NPHP4: variants seen among roughly 807,000 people sequenced by gnomAD.
The protein encoded by NPHP4 is nephrocystin-4.
NPHP4 carries 151 observed loss-of-function variants against 155.8 expected under a neutral mutation model. The observed-to-expected ratio is 0.97, with a 90% CI of 0.85 to 1.11. The LOEUF (loss-of-function observed/expected upper bound fraction) is 1.11. Among genes scored for constraint, NPHP4 ranks in the 50% least tolerant of loss-of-function variants. NPHP4 has a pLI of 0.00. For synonymous variants in NPHP4, 845 were observed against 816.8 expected (o/e 1.03, Z -0.59); for missense variants, 1,956 against 1,925.7 (o/e 1.02, Z -0.29).
intron 11 of NPHP4, among the ~76,000 whole-genome samples, chr1:5,923,676 C>T (rs1258733945): frequency 6.6e-6 from 1 of 152,232 alleles, no homozygotes; most frequent in African/African-American, 2.4e-5. Context: ...GGGCACCTGT[C>T]ATCTCAGTGA....
At chr1:5,873,433 C>G in intron 22 of NPHP4, 98 bp from the exon 23 acceptor site, 3 of 909,202 alleles carry the variant, frequency 3.3e-6, no homozygotes, top group Non-Finnish European at 5.4e-6. Flanking sequence ...CTGGGAGCCA[C>G]CAGCCTCCTC....
intron 6 of NPHP4, among the ~76,000 whole-genome samples, chr1:5,953,836 G>A (rs1366176407): frequency 6.6e-6 from 1 of 152,208 alleles, no homozygotes; most frequent in Admixed American, 6.5e-5. Flanking sequence ...ACACACACCT[G>A]TGGACTCTGC....
Position 5,892,316 on chromosome 1 carries a change from G to A in NPHP4, c.2144-1288C>T, listed in dbSNP as rs1226973937. Among the ~76,000 whole-genome samples, 4 of 152,142 alleles carry A rather than the reference G, an allele frequency of 2.6e-5. No individual in the cohort carries two copies. The highest frequency in any genetic ancestry group is 5.9e-5 in the Non-Finnish European group (4 of 68,002). On this transcript the variant is annotated intron_variant, in intron 16 of 29. Coordinates refer to ENST00000378156, the MANE Select transcript of NPHP4 (RefSeq NM_015102.5). The surrounding 1 kb of genome is among the most constrained non-coding windows in gnomAD (Gnocchi z 4.5). ...GAGAGTTGGGAGGCTGGTCAGAGGA[G>A]CCTAGACCAGGATGGCCCCGTGCCT...
intron 12 of NPHP4, among the ~76,000 whole-genome samples, chr1:5,908,107 G>A (rs1391953530): frequency 6.6e-6 from 1 of 152,224 alleles, no homozygotes; most frequent in Non-Finnish European, 1.5e-5. Flanking sequence ...ACTGAGGAAT[G>A]AATGGGGGGC....
At chr1:5,874,808 C>T (rs1642400035) in intron 21 of NPHP4, 66 bp downstream of exon 21, 20 of 1,556,822 alleles carry the variant, frequency 1.3e-5, no homozygotes, top group Non-Finnish European at 1.6e-5. Context: ...GCCAGCTCAG[C>T]AGGGGTGCCG....
intron 17 of NPHP4, 133 bp from the exon 18 acceptor site, chr1:5,887,599 A>T: frequency 1.2e-6 from 1 of 864,520 alleles, no homozygotes; most frequent in Non-Finnish European, 1.8e-6. Flanking sequence ...GCAGGATAAG[A>T]CCCTGCACCA....
chr1:5,953,553 T>C (rs6699722), intron 6 of NPHP4, among the ~76,000 whole-genome samples: 8,045 of 152,298 alleles, frequency 0.053, 698 homozygotes, highest in African/African-American at 0.18. Flanking sequence ...TACTTTACTG[T>C]GTTACCTTGA....
chr1:5,927,816 C>T (rs772630699), intron 10 of NPHP4, 29 bp from the exon 11 acceptor site: 62 of 1,586,214 alleles, frequency 3.9e-5, no homozygotes, highest in Non-Finnish European at 5.3e-5. Flanking sequence ...GCAGTGATGG[C>T]CACTCCCTTC....
intron 3 of NPHP4, among the ~76,000 whole-genome samples, chr1:5,977,595 C>T (rs114223367): frequency 0.011 from 1,717 of 151,708 alleles, 38 homozygotes; most frequent in African/African-American, 0.04. Context: ...TCACCCTGAG[C>T]CTAGCATGAT....
At chr1:5,927,560 A>C in intron 11 of NPHP4, 89 bp downstream of exon 11, 5 of 1,324,688 alleles carry the variant, frequency 3.8e-6, no homozygotes, top group Non-Finnish European at 5.2e-6. Flanking sequence ...TGTGGTGATT[A>C]CCGTACTAGA....
chr1:5,957,624 T>C (rs1288674826), intron 6 of NPHP4, among the ~76,000 whole-genome samples: 894 of 86,802 alleles, frequency 0.01, no homozygotes, highest in African/African-American at 0.049. Context: ...GCTGCAACAG[T>C]GGGATATTTA....
In NPHP4 at chr1:5,909,204, G is replaced by A. The variant is rs565294944; in HGVS notation, c.1451C>T (p.Ala484Val). 15 of 1,602,980 alleles carry A rather than the reference G, an allele frequency of 9.4e-6. No individual in the cohort carries two copies. The highest frequency in any genetic ancestry group is 3.3e-4 in the Middle Eastern group (2 of 6,072). Residue 484 changes from alanine (A) to valine (V), a missense_variant, in exon 12 of 30, where the codon GCG (alanine) becomes GTG (valine). Coordinates refer to ENST00000378156, the MANE Select transcript of NPHP4 (RefSeq NM_015102.5). ...GGCAGCGAGAACTCGAGGTACTGGC[G>A]CTGGCGGGCCTGGGAGGAAGCACAG... ...KPPTSPSSPP[A>V]PVPRVLAAPQ...
At position 5,863,153 on chromosome 1, in the gene NPHP4, G is replaced by T; in HGVS notation, c.*112C>A. ...TCAGCCAAGTGCACAGGTCAGCCAGGTGGGCACTGAAGTGAAAGGCTGCAG... is the reference window on the plus strand; with the variant it reads ...TCAGCCAAGTGCACAGGTCAGCCAGTTGGGCACTGAAGTGAAAGGCTGCAG... On this transcript the variant is annotated 3_prime_UTR_variant, in exon 30 of 30. Coordinates refer to ENST00000378156, the MANE Select transcript of NPHP4 (RefSeq NM_015102.5). 1 of 1,167,930 alleles carries T rather than the reference G, an allele frequency of 8.6e-7. No homozygotes were observed. The highest frequency in any genetic ancestry group is 1.3e-6 in the Non-Finnish European group (1 of 779,510). The allele number at this position is 1,167,930 out of a possible 1,614,324, so 72.3% of individuals were successfully genotyped here. A position where few individuals can be genotyped will look rare whatever the true frequency, so the allele number is the denominator to read the frequency against.
At chr1:5,947,278 T>C (rs1210282628) in intron 8 of NPHP4, 48 bp from the exon 9 acceptor site, 1 of 1,602,700 alleles carries the variant, frequency 6.2e-7, no homozygotes, top group Non-Finnish European at 8.5e-7. Flanking sequence ...CGAGCTCCCA[T>C]CCTTCCCGCA....
chr1:5,903,620 T>C (rs1013191907), intron 16 of NPHP4, among the ~76,000 whole-genome samples: 6 of 152,172 alleles, frequency 3.9e-5, no homozygotes, highest in African/African-American at 9.7e-5. Context: ...AAAAAAGTCA[T>C]TAGTCCCCAT....
intron 9 of NPHP4, among the ~76,000 whole-genome samples, chr1:5,935,364 C>A (rs939312134): frequency 3.3e-5 from 5 of 152,112 alleles, no homozygotes; most frequent in Non-Finnish European, 7.4e-5. Flanking sequence ...TGGTCCCTGG[C>A]AATTCAATGA....
At chr1:5,933,708 C>T (rs1646394391) in intron 9 of NPHP4, among the ~76,000 whole-genome samples, 2 of 152,234 alleles carry the variant, frequency 1.3e-5, no homozygotes, top group African/African-American at 4.8e-5. Context: ...CCAACACCAA[C>T]TCAAATCCGT....
At chr1:5,894,449 CA>C (rs34608472) in intron 16 of NPHP4, among the ~76,000 whole-genome samples, 19,257 of 102,970 alleles carry the variant, frequency 0.19, 1,328 homozygotes, top group Middle Eastern at 0.25. Flanking sequence ...GACCCAGTCT[CA>C]AAAAAAAAAA....
intron 19 of NPHP4, chr1:5,879,601 T>A: frequency 1.9e-6 from 1 of 518,730 alleles, no homozygotes; most frequent in South Asian, 1.4e-5. Flanking sequence ...TTCCCACTTC[T>A]CCAAACAGCA....
Sources: gnomAD v4.1 joint callset for allele counts (sites outside exome capture counted in the v4.1 genomes callset) on GRCh38, gnomAD v4.1.1 for gene constraint, Gnocchi (gnomAD v3.1) non-coding constraint, MANE v1.5 for transcripts, NCBI Gene and HGNC (gene_info 2026-07-23, HGNC 2026-07-21) for gene names.